SPATA16: variants seen among roughly 807,000 people sequenced by gnomAD.
The protein encoded by SPATA16 is spermatogenesis-associated protein 16.
SPATA16 carries 36 observed loss-of-function variants against 63.3 expected under a neutral mutation model. The ratio of observed to expected loss-of-function variants is 0.57; its 90% CI spans 0.44 to 0.75. SPATA16 has a LOEUF of 0.75. Among genes scored for constraint, SPATA16 ranks in the 30% least tolerant of loss-of-function variants. SPATA16 has a pLI of 0.00. For missense variants in SPATA16, 646 were observed against 679.3 expected, an observed-to-expected ratio of 0.95 and a Z score of 0.54; for synonymous variants, 203 against 216.7, an observed-to-expected ratio of 0.94 and a Z score of 0.56.
intron 2 of SPATA16, among the ~76,000 whole-genome samples, chr3:173,081,483 C>T (rs1448977698): frequency 1.3e-5 from 2 of 151,948 alleles, no homozygotes; most frequent in Non-Finnish European, 2.9e-5. Flanking sequence ...CAAACAAATA[C>T]AAAATCATAA....
At chr3:173,066,623 G>A (rs552430761) in intron 2 of SPATA16, among the ~76,000 whole-genome samples, 1 of 152,264 alleles carries the variant, frequency 6.6e-6, no homozygotes, top group African/African-American at 2.4e-5. Flanking sequence ...TGCTGAAATG[G>A]CTGCAGTGAC....
chr3:173,118,399 A>G (rs1037554379), intron 1 of SPATA16, among the ~76,000 whole-genome samples: 1 of 152,232 alleles, frequency 6.6e-6, no homozygotes, highest in African/African-American at 2.4e-5. Context: ...GTATTAGTCT[A>G]TTTGTAGTAA....
Position 173,135,766 on chromosome 3 carries a change from T to C in SPATA16, c.-19+5337A>G, listed in dbSNP as rs186868835. Among the ~76,000 whole-genome samples, 303 of 152,328 alleles carry C rather than the reference T, an allele frequency of 2.0e-3. 1 individual carries two copies. Among genetic ancestry groups the C allele is most frequent in the African/African-American group, 7.0e-3 (290 of 41,586 alleles). On this transcript the variant is annotated intron_variant, in intron 1 of 10. Coordinates refer to ENST00000351008, the MANE Select transcript of SPATA16 (RefSeq NM_031955.6). Reference sequence around the variant, plus strand: ...TTTGTGCTGTTAGATGTCAGATTTGTGGTTGCCCTTGAGACAGTGAGTAGT... The same window carrying C: ...TTTGTGCTGTTAGATGTCAGATTTGCGGTTGCCCTTGAGACAGTGAGTAGT...
intron 3 of SPATA16, among the ~76,000 whole-genome samples, chr3:173,028,200 T>C (rs573224978): frequency 6.6e-6 from 1 of 151,778 alleles, no homozygotes; most frequent in South Asian, 2.1e-4. Context: ...ACTCCTCTTA[T>C]TCTTTTAATA....
chr3:172,916,534 C>T lies in SPATA16; in HGVS notation c.1339-53G>A. ...AGAACAAAACCACGGAAATAGACCTCTCCCCAGGGCTGGAAGTCAGGGCTT... is the reference window on the plus strand; with the variant it reads ...AGAACAAAACCACGGAAATAGACCTTTCCCCAGGGCTGGAAGTCAGGGCTT... On this transcript the variant is annotated intron_variant, in intron 8 of 10. Coordinates refer to ENST00000351008, the MANE Select transcript of SPATA16 (RefSeq NM_031955.6). The T allele has an allele frequency of 1.9e-6, 3 of 1,592,520 alleles. No individual in the cohort carries two copies. In the South Asian group the frequency reaches 3.3e-5, roughly 18 times the overall value.
intron 3 of SPATA16, among the ~76,000 whole-genome samples, chr3:173,021,699 A>G (rs1735333664): frequency 6.6e-6 from 1 of 151,438 alleles, no homozygotes; most frequent in Non-Finnish European, 1.5e-5. Flanking sequence ...CTTCCACAGG[A>G]TAGGTAATTC....
At chr3:173,015,064 CTT>C (rs34843727) in intron 4 of SPATA16, among the ~76,000 whole-genome samples, 14,967 of 136,322 alleles carry the variant, frequency 0.11, 825 homozygotes, top group South Asian at 0.14. Context: ...TCTTTTTTCT[CTT>C]TTTTTTTTTT....
intron 3 of SPATA16, among the ~76,000 whole-genome samples, chr3:173,023,541 A>T (rs986721441): frequency 6.6e-6 from 1 of 151,972 alleles, no homozygotes; most frequent in African/African-American, 2.4e-5. Context: ...TTCCAGCTAC[A>T]AAAAGATCAT....
At chr3:173,096,178 A>G (rs1737345177) in intron 2 of SPATA16, among the ~76,000 whole-genome samples, 1 of 152,122 alleles carries the variant, frequency 6.6e-6, no homozygotes, top group South Asian at 2.1e-4. Context: ...TAGTTTAGAG[A>G]CAGTTACCTT....
At chr3:172,932,741 T>C (rs952219335) in intron 6 of SPATA16, among the ~76,000 whole-genome samples, 3 of 152,172 alleles carry the variant, frequency 2.0e-5, no homozygotes, top group Non-Finnish European at 4.4e-5. Context: ...GATTTTTATA[T>C]TTGATATCTG....
chr3:173,050,328 C>G (rs1736055732), intron 2 of SPATA16, among the ~76,000 whole-genome samples: 1 of 152,080 alleles, frequency 6.6e-6, no homozygotes, highest in Admixed American at 6.5e-5. Flanking sequence ...TTACCTAATG[C>G]TGTTTTCTTT....
intron 8 of SPATA16, among the ~76,000 whole-genome samples, chr3:172,920,517 G>T (rs921853702): frequency 1.3e-5 from 2 of 152,188 alleles, no homozygotes; most frequent in Non-Finnish European, 2.9e-5. Flanking sequence ...CTTTGGTTGA[G>T]AGTAAGTTGC....
chr3:173,054,514 C>G (rs1269245536), intron 2 of SPATA16, among the ~76,000 whole-genome samples: 1 of 152,120 alleles, frequency 6.6e-6, no homozygotes, highest in Non-Finnish European at 1.5e-5. Context: ...AGTCATCACC[C>G]TCAGCAAACT....
chr3:172,941,202 A>G (rs777904141), intron 6 of SPATA16, among the ~76,000 whole-genome samples: 2 of 152,186 alleles, frequency 1.3e-5, no homozygotes, highest in Non-Finnish European at 2.9e-5. Context: ...AGCAGCCTCA[A>G]TGATCTGGAG....
intron 6 of SPATA16, among the ~76,000 whole-genome samples, chr3:172,926,555 G>A (rs1349521744): frequency 6.6e-6 from 1 of 152,214 alleles, no homozygotes; most frequent in African/African-American, 2.4e-5. Context: ...AGCAGGCAAA[G>A]CCAGATTCAC....
chr3:172,924,281 G>C lies in SPATA16; in HGVS notation c.1265C>G (p.Thr422Arg). The C allele has an allele frequency of 6.2e-7, 1 of 1,613,348 alleles. No homozygotes were observed. Among genetic ancestry groups the C allele is most frequent in the Non-Finnish European group, 8.5e-7 (1 of 1,179,640 alleles). The change falls in exon 8 of 11, where the codon ACA becomes AGA. Residue 422 changes from threonine to arginine, a missense_variant. Physicochemically the swap from Thr to Arg is moderately conservative, Grantham distance 71. Coordinates refer to ENST00000351008, the MANE Select transcript of SPATA16 (RefSeq NM_031955.6). The stretch of plus-strand genomic sequence containing the variant: ...CCCCATTGTCTCCATTTGCCTCACT[G>C]TATCTTCTCTGGTCAGACCGAAAGG... Reference protein sequence around the residue: ...KTPFGLTREDTVRQMETMGKR... With the variant: ...KTPFGLTREDRVRQMETMGKR...
chr3:172,942,341 G>A (rs1332468553), intron 6 of SPATA16, among the ~76,000 whole-genome samples: 1 of 152,014 alleles, frequency 6.6e-6, no homozygotes, highest in African/African-American at 2.4e-5. Flanking sequence ...TAACACGAGG[G>A]CATAAAATGT....
At chr3:173,111,519 A>T (rs555406087) in intron 2 of SPATA16, among the ~76,000 whole-genome samples, 1 of 152,204 alleles carries the variant, frequency 6.6e-6, no homozygotes, top group Non-Finnish European at 1.5e-5. Context: ...CAGCTCAGGC[A>T]CTCAGAGAAT....
chr3:172,980,903 C>T (rs1348679881), intron 4 of SPATA16, among the ~76,000 whole-genome samples: 1 of 152,190 alleles, frequency 6.6e-6, no homozygotes, highest in Non-Finnish European at 1.5e-5. Context: ...TGTGCATTCT[C>T]TACTTCTAAT....
Sources: allele counts gnomAD v4.1 joint callset (sites outside exome capture counted in the v4.1 genomes callset), GRCh38; gene constraint gnomAD v4.1.1; transcripts MANE v1.5; gene names NCBI Gene and HGNC (gene_info 2026-07-23, HGNC 2026-07-21).